The following ITGA9 variants were observed in gnomAD, a reference collection of about 807,000 sequenced individuals.
ITGA9 encodes integrin subunit alpha 9.
ITGA9 carries 56 observed loss-of-function variants against 127.8 expected under a neutral mutation model. The ratio of observed to expected loss-of-function variants is 0.44; its 90% CI spans 0.35 to 0.55. The LOEUF (loss-of-function observed/expected upper bound fraction) is 0.55. Ranked by LOEUF, ITGA9 falls within the 20% of genes least tolerant of loss-of-function variation. The probability of loss-of-function intolerance (pLI) is 0.00; values close to 1 mark genes in which losing one functional copy is unlikely to be tolerated. For synonymous variants in ITGA9, 508 were observed against 514.5 expected (o/e 0.99, Z 0.17); for missense variants, 1,196 against 1,347.1 (o/e 0.89, Z 1.76).
intron 16 of ITGA9, among the ~76,000 whole-genome samples, chr3:37,645,781 T>G (rs1045744320): frequency 1.3e-5 from 2 of 152,170 alleles, no homozygotes; most frequent in African/African-American, 4.8e-5. Context: ...CCTCTGAACA[T>G]GATAGCTGGA....
chr3:37,530,129 A>G (rs1699134937), intron 13 of ITGA9, among the ~76,000 whole-genome samples: 1 of 152,178 alleles, frequency 6.6e-6, no homozygotes, highest in Non-Finnish European at 1.5e-5. Flanking sequence ...GGGGCAGGCA[A>G]AGGGGTTGCT....
At chr3:37,789,807 A>T in intron 26 of ITGA9, 1 of 274,176 alleles carries the variant, frequency 3.6e-6, no homozygotes, top group Non-Finnish European at 7.0e-6. Context: ...CTATGCTCTC[A>T]CAATGAGAGC....
At chr3:37,754,624 A>G (rs1182916953) in intron 23 of ITGA9, among the ~76,000 whole-genome samples, 3 of 152,240 alleles carry the variant, frequency 2.0e-5, no homozygotes, top group Non-Finnish European at 4.4e-5. Context: ...GGGATGAATG[A>G]TAATTTTCTA....
At chr3:37,803,726 A>G in intron 26 of ITGA9, 97 bp from the exon 27 acceptor site, 1 of 1,428,524 alleles carries the variant, frequency 7.0e-7, no homozygotes, top group East Asian at 2.4e-5. Context: ...GTGAGCCGAG[A>G]TTGTGCCATT....
intron 15 of ITGA9, among the ~76,000 whole-genome samples, chr3:37,625,615 T>C (rs1341024185): frequency 6.6e-6 from 1 of 152,218 alleles, no homozygotes; most frequent in Non-Finnish European, 1.5e-5. Context: ...CGTTATTTTT[T>C]TTAAGCAGTA....
At chr3:37,588,329 A>T (rs1313925993) in intron 15 of ITGA9, among the ~76,000 whole-genome samples, 1 of 44,936 alleles carries the variant, frequency 2.2e-5, no homozygotes, top group Non-Finnish European at 5.0e-5. Context: ...CCACCCCCCC[A>T]CTTCCCTTTC....
At chr3:37,573,914 G>A (rs1288806402) in intron 15 of ITGA9, among the ~76,000 whole-genome samples, 3 of 152,074 alleles carry the variant, frequency 2.0e-5, no homozygotes, top group Admixed American at 6.6e-5. Context: ...AATGAGCAGG[G>A]CACCAATCTA....
At chr3:37,728,041 T>C (rs1363578866) in intron 18 of ITGA9, among the ~76,000 whole-genome samples, 1 of 152,256 alleles carries the variant, frequency 6.6e-6, no homozygotes, top group African/African-American at 2.4e-5. Context: ...ATGTCTGCAC[T>C]AGCAGTCAGG....
At position 37,481,643 on chromosome 3, in the gene ITGA9, C is replaced by A. The variant is rs773455209; in HGVS notation, c.544+36C>A. On this transcript the variant is annotated intron_variant, in intron 4 of 27. Coordinates refer to ENST00000264741, the MANE Select transcript of ITGA9 (RefSeq NM_002207.3). Reference sequence around the variant, plus strand: ...ATTGATTTTTCCTCATCCCCCTACCCACCTCATGCCCTAAGCCCGCCTTCC... The same window carrying A: ...ATTGATTTTTCCTCATCCCCCTACCAACCTCATGCCCTAAGCCCGCCTTCC... The A allele has an allele frequency of 1.9e-6, 3 of 1,613,822 alleles. No homozygotes were observed. In the South Asian group the frequency reaches 3.3e-5, roughly 18 times the overall value.
At chr3:37,587,220 A>G (rs6550483) in intron 15 of ITGA9, among the ~76,000 whole-genome samples, 95,820 of 151,524 alleles carry the variant, frequency 0.63, 30,616 homozygotes, top group East Asian at 0.73. Flanking sequence ...CAGGACAGAG[A>G]TTAGGCTATG....
intron 16 of ITGA9, among the ~76,000 whole-genome samples, chr3:37,639,236 TA>T (rs1169437890): frequency 2.6e-5 from 4 of 152,206 alleles, no homozygotes; most frequent in Non-Finnish European, 4.4e-5. Context: ...TAAAAGACTA[TA>T]AAGCTGGAAG....
intron 15 of ITGA9, among the ~76,000 whole-genome samples, chr3:37,570,492 A>G (rs1699589974): frequency 6.6e-6 from 1 of 152,188 alleles, no homozygotes; most frequent in East Asian, 1.9e-4. Context: ...TTCCTTTTCC[A>G]GTATGTTGCC....
Position 37,803,942 on chromosome 3 carries a change from G to C in ITGA9, c.3009G>C (p.Lys1003Asn), listed in dbSNP as rs761327015. 10 of 1,614,108 alleles carry C rather than the reference G, an allele frequency of 6.2e-6. 2 individuals carry two copies. In the South Asian group the frequency reaches 1.1e-4, roughly 18 times the overall value. Reference protein sequence around the residue: ...IFLLLAVLLWKMGFFRRRYKE... With the variant: ...IFLLLAVLLWNMGFFRRRYKE... ...TGCTGCTGGCCGTGCTGCTCTGGAA[G>C]GTGAGTCTGGTGATTGCAGGTCCCC... Residue 1003 changes from lysine (K) to asparagine (N), a missense_variant and splice_region_variant, in exon 27 of 28, where the codon AAG becomes AAC. Physicochemically the swap from Lys to Asn is moderately conservative, Grantham distance 94 (BLOSUM62 0). Transcript: ENST00000264741.
At chr3:37,817,407 AT>A (rs574981712) in intron 27 of ITGA9, among the ~76,000 whole-genome samples, 19 of 152,182 alleles carry the variant, frequency 1.2e-4, no homozygotes, top group Non-Finnish European at 2.5e-4. Flanking sequence ...TGAAACAATG[AT>A]TTGAGGGCAA....
intron 8 of ITGA9, 74 bp from the exon 9 acceptor site, chr3:37,513,689 G>A (rs1698956451): frequency 6.3e-7 from 1 of 1,586,832 alleles, no homozygotes; most frequent in Admixed American, 1.7e-5. Flanking sequence ...AAGCCAATGG[G>A]GTGGAGGAAA....
intron 13 of ITGA9, among the ~76,000 whole-genome samples, chr3:37,529,919 A>G (rs1324612609): frequency 2.6e-5 from 4 of 151,924 alleles, no homozygotes; most frequent in East Asian, 1.9e-4. Flanking sequence ...GTTCCGGTAC[A>G]TGGGCTGGGG....
chr3:37,481,352 T>G, intron 3 of ITGA9, 132 bp from the exon 4 acceptor site: 1 of 1,191,030 alleles, frequency 8.4e-7, no homozygotes, highest in South Asian at 1.2e-5. Context: ...GTGCCTGTTA[T>G]GAAGGTGTGG....
intron 15 of ITGA9, among the ~76,000 whole-genome samples, chr3:37,615,566 G>C (rs1264879193): frequency 1.3e-5 from 2 of 152,192 alleles, no homozygotes; most frequent in Non-Finnish European, 2.9e-5. Flanking sequence ...TGTACCTCTG[G>C]TAGAATTCGG....
At chr3:37,460,825 G>A (rs146885911) in intron 1 of ITGA9, among the ~76,000 whole-genome samples, 3,256 of 152,140 alleles carry the variant, frequency 0.021, 117 homozygotes, top group African/African-American at 0.073. Flanking sequence ...TCCTGACCTC[G>A]TGATCTGCCC....
Sources: allele counts gnomAD v4.1 joint callset (sites outside exome capture counted in the v4.1 genomes callset), GRCh38; gene constraint gnomAD v4.1.1; transcripts MANE v1.5; gene names NCBI Gene and HGNC (gene_info 2026-07-23, HGNC 2026-07-21).